Variants in PKNOX2 observed in about 807,000 individuals in gnomAD.
PKNOX2 encodes homeobox protein PKNOX2.
Under a neutral mutation model 53.1 loss-of-function variants are expected in PKNOX2, and 14 were observed. The observed-to-expected ratio is 0.26, with a 90% CI of 0.17 to 0.41. The LOEUF (loss-of-function observed/expected upper bound fraction) is 0.41. Among genes scored for constraint, PKNOX2 ranks in the 10% least tolerant of loss-of-function variants. The probability of loss-of-function intolerance (pLI) is 1.00; values close to 1 mark genes in which losing one functional copy is unlikely to be tolerated. For synonymous variants in PKNOX2, 257 were observed against 242.8 expected, an observed-to-expected ratio of 1.06 and a Z score of -0.54; for missense variants, 496 against 602.8, an observed-to-expected ratio of 0.82 and a Z score of 1.85.
chr11:125,293,696 TG>T (rs1303149956), intron 2 of PKNOX2, among the ~76,000 whole-genome samples: 1 of 152,050 alleles, frequency 6.6e-6, no homozygotes, highest in Non-Finnish European at 1.5e-5. Flanking sequence ...ATCAGCCTCA[TG>T]TGAAGTTCCT....
chr11:125,215,726 T>C (rs1940422285), intron 1 of PKNOX2, among the ~76,000 whole-genome samples: 2 of 152,296 alleles, frequency 1.3e-5, no homozygotes, highest in Admixed American at 1.3e-4. Flanking sequence ...TACTCCAACC[T>C]GGGCAACAGA....
chr11:125,210,011 C>A (rs766001453), intron 1 of PKNOX2, among the ~76,000 whole-genome samples: 6 of 152,076 alleles, frequency 3.9e-5, no homozygotes, highest in Admixed American at 6.5e-5. Context: ...GGAGGTGAAG[C>A]AAGGTAGTGG....
intron 2 of PKNOX2, among the ~76,000 whole-genome samples, chr11:125,239,001 C>T (rs941748936): frequency 1.3e-5 from 2 of 152,166 alleles, no homozygotes; most frequent in East Asian, 1.9e-4. Flanking sequence ...GGACTCACTG[C>T]GATCCAGCAT....
At chr11:125,354,993 A>G (rs1479802971) in intron 4 of PKNOX2, among the ~76,000 whole-genome samples, 2 of 152,306 alleles carry the variant, frequency 1.3e-5, no homozygotes, top group East Asian at 1.9e-4. Context: ...CGGGCTGGGC[A>G]TGGTGGCTCA....
chr11:125,371,307 T>A (rs768856854), intron 5 of PKNOX2, among the ~76,000 whole-genome samples: 2 of 151,958 alleles, frequency 1.3e-5, no homozygotes, highest in African/African-American at 2.4e-5. Flanking sequence ...GGGAGGCCGG[T>A]GGAGTGAGGG....
chr11:125,256,452 C>T (rs914161946), intron 2 of PKNOX2, among the ~76,000 whole-genome samples: 1 of 152,186 alleles, frequency 6.6e-6, no homozygotes, highest in Non-Finnish European at 1.5e-5. Context: ...AGGTGAAAAC[C>T]AGGAAGAAGG....
intron 5 of PKNOX2, among the ~76,000 whole-genome samples, chr11:125,381,019 G>A (rs1397654761): frequency 6.6e-6 from 1 of 152,154 alleles, no homozygotes; most frequent in Non-Finnish European, 1.5e-5. Context: ...CCAGGACCAC[G>A]CTGCAGCCAC....
chr11:125,277,499 T>C (rs1452500928), intron 2 of PKNOX2: 1 of 152,062 alleles, frequency 6.6e-6, no homozygotes, highest in Non-Finnish European at 1.5e-5. Context: ...TTCAAGTAAG[T>C]GAGCTTGGGT....
At chr11:125,363,782 G>GTCCTC (rs1161823726) in intron 4 of PKNOX2, among the ~76,000 whole-genome samples, 2 of 150,728 alleles carry the variant, frequency 1.3e-5, no homozygotes, top group South Asian at 2.1e-4. Context: ...AAGAATGGAA[G>GTCCTC]AAAGCTACTT....
intron 1 of PKNOX2, among the ~76,000 whole-genome samples, chr11:125,206,366 A>C (rs1591480640): frequency 6.6e-6 from 1 of 152,162 alleles, no homozygotes. Flanking sequence ...GGTGTTAGGT[A>C]GAAAGATTAC....
At chr11:125,409,449 G>A (rs955121120) in intron 7 of PKNOX2, among the ~76,000 whole-genome samples, 1 of 152,190 alleles carries the variant, frequency 6.6e-6, no homozygotes, top group Non-Finnish European at 1.5e-5. Flanking sequence ...AAGAGAACAG[G>A]ATCGATGCCA....
chr11:125,421,800 C>T lies in PKNOX2; in HGVS notation c.937-7212C>T, dbSNP rs533739762. On this transcript the variant is annotated intron_variant, in intron 10 of 12. Transcript: ENST00000298282. ...AGGCTGCTTACGCCCGGAGACCAGCCGGGGAGCCCTTGCTGCTCCAGACTC... is the reference window on the plus strand; with the variant it reads ...AGGCTGCTTACGCCCGGAGACCAGCTGGGGAGCCCTTGCTGCTCCAGACTC... Among the ~76,000 whole-genome samples the T allele has an allele frequency of 1.1e-4, 16 of 152,314 alleles. No homozygotes were observed. The East Asian group carries it at 2.7e-3, about 26-fold the overall frequency.
rs942793105 is a variant in PKNOX2, at chr11:125,274,718, G to A, written c.-130+39603G>A. 3.3e-5 allele frequency among the ~76,000 whole-genome samples: 5 copies of A among 152,188 alleles called. 1 individual carries two copies. The highest frequency in any genetic ancestry group is 3.3e-4 in the Admixed American group (5 of 15,286). Reference sequence around the variant, plus strand: ...CTTTGTCTACTCTCTTAGATGCTAAGCCTCCTCGTAAAATATTCTAGGACC... The same window carrying A: ...CTTTGTCTACTCTCTTAGATGCTAAACCTCCTCGTAAAATATTCTAGGACC... On this transcript the variant is annotated intron_variant, in intron 2 of 12. Coordinates refer to ENST00000298282, the MANE Select transcript of PKNOX2 (RefSeq NM_001382323.2).
In PKNOX2 at chr11:125,428,518, T is replaced by C. The variant is rs1189630887; in HGVS notation, c.937-494T>C. Among the ~76,000 whole-genome samples the C allele has an allele frequency of 3.3e-5, 5 of 152,320 alleles. No individual in the cohort carries two copies. The East Asian group carries it at 9.6e-4, about 29-fold the overall frequency. On this transcript the variant is annotated intron_variant, in intron 10 of 12. Transcript: ENST00000298282. ...TTATAAAGCACTATACAAGTAGTAC[T>C]CTTCTGTCTCCTAGCCATGCCTAGC...
intron 2 of PKNOX2, among the ~76,000 whole-genome samples, chr11:125,263,294 G>A (rs1307069735): frequency 1.3e-5 from 2 of 152,224 alleles, no homozygotes; most frequent in African/African-American, 4.8e-5. Context: ...GCCAGGGCAG[G>A]CTCAGCCGCT....
intron 1 of PKNOX2, among the ~76,000 whole-genome samples, chr11:125,216,831 G>A (rs1940559381): frequency 6.6e-6 from 1 of 152,136 alleles, no homozygotes; most frequent in Non-Finnish European, 1.5e-5. Context: ...TCACGTGGCT[G>A]GCCTGAGCAG....
intron 2 of PKNOX2, among the ~76,000 whole-genome samples, chr11:125,249,614 T>TATGCAAATACAACACC (rs1943843939): frequency 6.6e-6 from 1 of 152,216 alleles, no homozygotes; most frequent in Non-Finnish European, 1.5e-5. Flanking sequence ...GTGTAGGTTA[T>TATGCAAATACAACACC]ATGCAAATAC....
At chr11:125,233,190 G>T (rs56992171) in intron 1 of PKNOX2, among the ~76,000 whole-genome samples, 4,512 of 152,202 alleles carry the variant, frequency 0.03, 207 homozygotes, top group African/African-American at 0.1. Context: ...CTTGAATCTA[G>T]CCCTCCAGCA....
chr11:125,389,949 G>A (rs147231768), intron 6 of PKNOX2, among the ~76,000 whole-genome samples: 165 of 152,306 alleles, frequency 1.1e-3, no homozygotes, highest in Non-Finnish European at 1.8e-3. Context: ...AGGGCCAGAG[G>A]CGGAGGCTGT....
Sources: gnomAD v4.1 joint callset for allele counts (sites outside exome capture counted in the v4.1 genomes callset) on GRCh38, gnomAD v4.1.1 for gene constraint, MANE v1.5 for transcripts, NCBI Gene and HGNC (gene_info 2026-07-23, HGNC 2026-07-21) for gene names.